Variants in FADS1 observed in about 807,000 individuals in gnomAD.
FADS1 encodes fatty acid desaturase 1.
A neutral mutation model predicts 61.6 loss-of-function variants in FADS1; 17 were observed. The observed-to-expected ratio is 0.28, with a 90% CI of 0.19 to 0.41. The LOEUF is 0.41. FADS1 is among the 10% of genes least tolerant of loss of function. The pLI is 1.00. For missense variants in FADS1, 387 were observed against 650.9 expected, an observed-to-expected ratio of 0.59 and a Z score of 4.41; for synonymous variants, 238 against 258.7, an observed-to-expected ratio of 0.92 and a Z score of 0.77.
At chr11:61,812,170 G>A (rs761833726) in intron 3 of FADS1, among the ~76,000 whole-genome samples, 3 of 152,226 alleles carry the variant, frequency 2.0e-5, no homozygotes, top group Non-Finnish European at 4.4e-5. Context: ...GCCAAGCTTT[G>A]CTAAGAAACC....
rs1473201161 is a variant in FADS1, at chr11:61,799,878, T to C, written c.*2533A>G. Reference sequence around the variant, plus strand: ...GCCTATTTTATATCTGTCAGTGGATTTGAGATCACTCATTTTACCATTGTA... The same window carrying C: ...GCCTATTTTATATCTGTCAGTGGATCTGAGATCACTCATTTTACCATTGTA... On this transcript the variant is annotated 3_prime_UTR_variant, in exon 12 of 12. Coordinates refer to ENST00000350997, the MANE Select transcript of FADS1 (RefSeq NM_013402.7). 1 of 152,818 alleles carries C rather than the reference T, an allele frequency of 6.5e-6. No homozygotes were observed. Among genetic ancestry groups the C allele is most frequent in the Non-Finnish European group, 1.5e-5 (1 of 68,048 alleles). The allele number at this position is 152,818 out of a possible 1,614,324, so 9.5% of individuals were successfully genotyped here. A position where few individuals can be genotyped will look rare whatever the true frequency, so the allele number is the denominator to read the frequency against.
chr11:61,804,867 AC>A (rs1565318528), intron 6 of FADS1, 106 bp from the exon 7 acceptor site: 1 of 931,548 alleles, frequency 1.1e-6, no homozygotes, highest in African/African-American at 1.6e-5. Flanking sequence ...GCCTCTTCCA[AC>A]CATCCCTTCT....
chr11:61,802,416 G>C lies in FADS1; in HGVS notation c.1501C>G (p.Gln501Glu), dbSNP rs78531931. ...ACTGGGCAGGGTGGCTGTTGTTATT[G>C]GTGAAGATAGGCATCTAGCCAGAGC... ...GQLWLDAYLH[Q>E] Residue 501 changes from glutamine to glutamate, a missense_variant, in exon 12 of 12, where the codon CAA (glutamine) becomes GAA (glutamate). By Grantham distance (29) the Gln-to-Glu change is conservative. Coordinates refer to ENST00000350997, the MANE Select transcript of FADS1 (RefSeq NM_013402.7). This position sits in a 1 kb window ranked among gnomAD's most constrained non-coding sequence, Gnocchi z 4.2. 7 of 1,568,014 alleles carry C rather than the reference G, an allele frequency of 4.5e-6. No homozygotes were observed. In the Admixed American group the frequency reaches 1.1e-4, roughly 25 times the overall value.
chr11:61,813,959 T>C (rs1591155058), intron 1 of FADS1, among the ~76,000 whole-genome samples: 4 of 96,646 alleles, frequency 4.1e-5, no homozygotes, highest in Admixed American at 1.2e-4. Flanking sequence ...ACAGGGAGAC[T>C]CCGTCTCAAA....
chr11:61,810,290 T>C (rs2066922098), intron 5 of FADS1, among the ~76,000 whole-genome samples: 1 of 152,150 alleles, frequency 6.6e-6, no homozygotes, highest in African/African-American at 2.4e-5. Context: ...GTTCCAGATA[T>C]TGGACATGAA....
Position 61,803,281 on chromosome 11 carries a change from CT to C in FADS1, c.1248+81del. The C allele has an allele frequency of 2.2e-6, 3 of 1,349,992 alleles. No homozygotes were observed. Among genetic ancestry groups the C allele is most frequent in the African/African-American group, 1.4e-5 (1 of 69,836 alleles). The allele number at this position is 1,349,992 out of a possible 1,614,324, so 83.6% of individuals were successfully genotyped here. Reference sequence around the variant, plus strand: ...TAATGAGAAAATGCTGTTTGGGGGACTTTTTGTTTTTGCTGTTTTCACCTAC... The same window carrying C: ...TAATGAGAAAATGCTGTTTGGGGGACTTTTGTTTTTGCTGTTTTCACCTAC... On this transcript the variant is annotated intron_variant, in intron 9 of 11. Transcript: ENST00000350997. This position sits in a 1 kb window ranked among gnomAD's most constrained non-coding sequence, Gnocchi z 4.3.
intron 1 of FADS1, chr11:61,814,744 G>A (rs1239322715): frequency 6.6e-6 from 1 of 152,154 alleles, no homozygotes; most frequent in African/African-American, 2.4e-5. Context: ...GCTAGCTACA[G>A]AGCGCCAATT....
chr11:61,813,585 C>G (rs2066947325), intron 1 of FADS1: 1 of 526,942 alleles, frequency 1.9e-6, no homozygotes, highest in Non-Finnish European at 3.3e-6. Context: ...GTAAAATGGA[C>G]CAATCAGCAC....
rs1284845541 is a variant in FADS1, at chr11:61,800,114, G to C, written c.*2297C>G. 1 of 152,664 alleles carries C rather than the reference G, an allele frequency of 6.6e-6. No individual in the cohort carries two copies. Among genetic ancestry groups the C allele is most frequent in the Non-Finnish European group, 1.5e-5 (1 of 68,034 alleles). The allele number at this position is 152,664 out of a possible 1,614,324, so 9.5% of individuals were successfully genotyped here. On this transcript the variant is annotated 3_prime_UTR_variant, in exon 12 of 12. Transcript: ENST00000350997. Reference sequence around the variant, plus strand: ...GACACCACACCCAAAAGGTGGCAAAGAATAGGAATAGGAAGGATCAGCACC... The same window carrying C: ...GACACCACACCCAAAAGGTGGCAAACAATAGGAATAGGAAGGATCAGCACC...
Position 61,816,539 on chromosome 11 carries a change from G to T in FADS1, c.375+16C>A, listed in dbSNP as rs780633289. On this transcript the variant is annotated intron_variant, in intron 1 of 11. Transcript: ENST00000350997. This position sits in a 1 kb window ranked among gnomAD's most constrained non-coding sequence, Gnocchi z 7.0. ...CGGTCCCGCCCTCTCCTGTGCCCCC[G>T]CCTGGCTGCGCTCACCGTGGCATCC... The T allele has an allele frequency of 1.9e-6, 3 of 1,598,088 alleles. 1 individual carries two copies. Among genetic ancestry groups the T allele is most frequent in the South Asian group, 2.2e-5 (2 of 89,234 alleles).
In FADS1 at chr11:61,803,571, A is replaced by G; in HGVS notation, c.1151+99T>C. The G allele has an allele frequency of 7.5e-7, 1 of 1,331,700 alleles. No homozygotes were observed. The highest frequency in any genetic ancestry group is 1.1e-6 in the Non-Finnish European group (1 of 923,300). The allele number at this position is 1,331,700 out of a possible 1,614,324, so 82.5% of individuals were successfully genotyped here. A position where few individuals can be genotyped will look rare whatever the true frequency, so the allele number is the denominator to read the frequency against. On this transcript the variant is annotated intron_variant, in intron 8 of 11. Coordinates refer to ENST00000350997, the MANE Select transcript of FADS1 (RefSeq NM_013402.7). This position sits in a 1 kb window ranked among gnomAD's most constrained non-coding sequence, Gnocchi z 4.3. ...ACTTTCCCAAGCCAACTCCTGAAAC[A>G]CCCACTGTTACCCAAAGCCCCAGCA...
Position 61,800,811 on chromosome 11 carries a change from G to A in FADS1, c.*1600C>T, listed in dbSNP as rs1256326864. ...AAGGCTGTGGGTTGGAGGGGGAAGC[G>A]GGTGTGAGGGCTGATGATAAGCCCT... On this transcript the variant is annotated 3_prime_UTR_variant, in exon 12 of 12. Transcript: ENST00000350997. The A allele has an allele frequency of 3.9e-5, 6 of 152,378 alleles. No homozygotes were observed. The highest frequency in any genetic ancestry group is 9.7e-5 in the African/African-American group (4 of 41,422). The allele number at this position is 152,378 out of a possible 1,614,324, so 9.4% of individuals were successfully genotyped here.
chr11:61,811,134 A>C, intron 3 of FADS1, 59 bp from the exon 4 acceptor site: 1 of 1,258,336 alleles, frequency 7.9e-7, no homozygotes, highest in Non-Finnish European at 1.1e-6. Flanking sequence ...GCCTTCACTG[A>C]CCTCGATGCC....
At position 61,816,204 on chromosome 11, in the gene FADS1, T is replaced by G; in HGVS notation, c.375+351A>C. 6.5e-7 allele frequency: 1 copy of G among 1,549,958 alleles called. No individual in the cohort carries two copies. Among genetic ancestry groups the G allele is most frequent in the Non-Finnish European group, 8.7e-7 (1 of 1,147,778 alleles). On this transcript the variant is annotated intron_variant, in intron 1 of 11. Transcript: ENST00000350997. This position sits in a 1 kb window ranked among gnomAD's most constrained non-coding sequence, Gnocchi z 7.0. ...CCCCTCCCTCCCCAGGCGGCCTGCATCCTTGCTCTCCTCCCTCCTAGCCTA... is the reference window on the plus strand; with the variant it reads ...CCCCTCCCTCCCCAGGCGGCCTGCAGCCTTGCTCTCCTCCCTCCTAGCCTA...
At chr11:61,811,760 T>A (rs2066932478) in intron 3 of FADS1, 1 of 336,348 alleles carries the variant, frequency 3.0e-6, no homozygotes, top group Admixed American at 3.6e-5. Flanking sequence ...CAGCTAACTG[T>A]TGTATTTTAA....
chr11:61,809,093 C>T (rs1278060207), intron 5 of FADS1, among the ~76,000 whole-genome samples: 1 of 152,196 alleles, frequency 6.6e-6, no homozygotes, highest in Non-Finnish European at 1.5e-5. Context: ...TCTTCTCATT[C>T]TCTCATTGCT....
chr11:61,808,708 AT>A (rs1259515738), intron 5 of FADS1, among the ~76,000 whole-genome samples: 3 of 151,980 alleles, frequency 2.0e-5, no homozygotes, highest in African/African-American at 7.2e-5. Context: ...CCCTTTTTCA[AT>A]TTTTTCCTCA....
At chr11:61,809,355 T>G (rs1228081266) in intron 5 of FADS1, among the ~76,000 whole-genome samples, 1 of 152,180 alleles carries the variant, frequency 6.6e-6, no homozygotes, top group Non-Finnish European at 1.5e-5. Flanking sequence ...AAAAAATTAT[T>G]ATTTTTACAC....
At chr11:61,808,111 G>T (rs540346887) in intron 5 of FADS1, among the ~76,000 whole-genome samples, 1 of 152,228 alleles carries the variant, frequency 6.6e-6, no homozygotes, top group East Asian at 1.9e-4. Context: ...TGAGGTAGGC[G>T]GACTGCATGA....
Sources: allele counts gnomAD v4.1 joint callset (sites outside exome capture counted in the v4.1 genomes callset), GRCh38; gene constraint gnomAD v4.1.1; non-coding constraint Gnocchi (gnomAD v3.1); transcripts MANE v1.5; gene names NCBI Gene and HGNC (gene_info 2026-07-23, HGNC 2026-07-21).